Variants in EPHA6 observed in about 807,000 individuals in gnomAD.
The protein encoded by EPHA6 is ephrin type-A receptor 6.
Under a neutral mutation model 112.0 loss-of-function variants are expected in EPHA6, and 50 were observed. The ratio of observed to expected loss-of-function variants is 0.45; its 90% CI spans 0.36 to 0.56. EPHA6 has a LOEUF of 0.56. Ranked by LOEUF, EPHA6 falls within the 20% of genes least tolerant of loss-of-function variation. The pLI is 0.00. For synonymous variants in EPHA6, 529 were observed against 490.7 expected (o/e 1.08, Z -1.03); for missense variants, 1,280 against 1,417.4 (o/e 0.90, Z 1.56).
intron 15 of EPHA6, among the ~76,000 whole-genome samples, chr3:97,726,848 G>C (rs1018063751): frequency 6.6e-6 from 1 of 151,902 alleles, no homozygotes; most frequent in Non-Finnish European, 1.5e-5. Context: ...AGCAAAACAC[G>C]AACAGCAGGC....
At chr3:97,272,370 C>T (rs943053932) in intron 5 of EPHA6, among the ~76,000 whole-genome samples, 7 of 151,894 alleles carry the variant, frequency 4.6e-5, no homozygotes, top group Non-Finnish European at 1.0e-4. Context: ...TGCTGCACGA[C>T]AGGGATACAC....
chr3:97,508,185 T>A (rs1198856457), intron 10 of EPHA6, among the ~76,000 whole-genome samples: 2 of 152,162 alleles, frequency 1.3e-5, no homozygotes, highest in Non-Finnish European at 2.9e-5. Flanking sequence ...CTGATCTTAG[T>A]TATTTCTTGT....
At chr3:97,714,513 C>T (rs1200011236) in intron 14 of EPHA6, among the ~76,000 whole-genome samples, 2 of 152,168 alleles carry the variant, frequency 1.3e-5, no homozygotes, top group Non-Finnish European at 2.9e-5. Flanking sequence ...CTGAAAGAGG[C>T]TGGGCACATA....
At chr3:97,327,906 T>TATATATATGTATATGTGTGC (rs2082527724) in intron 5 of EPHA6, among the ~76,000 whole-genome samples, 1 of 125,916 alleles carries the variant, frequency 7.9e-6, no homozygotes, top group Non-Finnish European at 1.5e-5. Context: ...TATATGTGTG[T>TATATATATGTATATGTGTGC]ATATATATGT....
chr3:97,421,284 G>A (rs151152864), intron 6 of EPHA6, among the ~76,000 whole-genome samples: 130 of 152,050 alleles, frequency 8.5e-4, no homozygotes, highest in African/African-American at 2.9e-3. Context: ...AATTTTTCCC[G>A]AATGTACATT....
chr3:97,061,909 G>T (rs1395999526), intron 3 of EPHA6, among the ~76,000 whole-genome samples: 1 of 152,168 alleles, frequency 6.6e-6, no homozygotes, highest in African/African-American at 2.4e-5. Context: ...AGTTGGGGAG[G>T]TAGATTTGTA....
At chr3:97,144,365 A>G (rs1174008038) in intron 3 of EPHA6, among the ~76,000 whole-genome samples, 1 of 151,472 alleles carries the variant, frequency 6.6e-6, no homozygotes, top group African/African-American at 2.4e-5. Context: ...TATATGGATC[A>G]ATAGGGCTTA....
Position 97,720,248 on chromosome 3 carries a change from A to G in EPHA6, c.2785-13A>G. ...CGATAAGCCAGCTAAGAAATCTCCAATTTGTTTTCCAGGGTGGAAAAATCC... is the reference window on the plus strand; with the variant it reads ...CGATAAGCCAGCTAAGAAATCTCCAGTTTGTTTTCCAGGGTGGAAAAATCC... On this transcript the variant is annotated splice_polypyrimidine_tract_variant and intron_variant, in intron 14 of 17. Transcript: ENST00000389672. 1 of 1,561,606 alleles carries G rather than the reference A, an allele frequency of 6.4e-7. No homozygotes were observed. Among genetic ancestry groups the G allele is most frequent in the Non-Finnish European group, 8.6e-7 (1 of 1,158,064 alleles).
chr3:97,142,283 C>G (rs2075928275), intron 3 of EPHA6, among the ~76,000 whole-genome samples: 2 of 151,906 alleles, frequency 1.3e-5, no homozygotes, highest in South Asian at 2.1e-4. Context: ...ATTTTATTTT[C>G]ACATTAAAAA....
intron 2 of EPHA6, among the ~76,000 whole-genome samples, chr3:96,968,112 ATTAT>A (rs201807312): frequency 0.016 from 2,437 of 151,632 alleles, 25 homozygotes; most frequent in Non-Finnish European, 0.025. Context: ...GGTGTATATA[ATTAT>A]TTATTTTCTA....
chr3:97,236,965 T>TC (rs1434450747), intron 4 of EPHA6, among the ~76,000 whole-genome samples: 1 of 151,810 alleles, frequency 6.6e-6, no homozygotes, highest in Non-Finnish European at 1.5e-5. Flanking sequence ...TATCTCTTCT[T>TC]CCCCCGCCAT....
Position 97,747,507 on chromosome 3 carries a change from A to G in EPHA6, c.3213A>G (p.Gln1071=). The part of the protein sequence containing the change: ...GDWLDSIKMG[Q]YKNNFVAAGF... ...GGCTAGATTCTATAAAGATGGGGCA[A>G]TACAAGAATAACTTCGTGGCAGCAG... The change falls in exon 17 of 18, where the codon CAA becomes CAG. Residue 1071 remains glutamine (Q), a synonymous_variant. Coordinates refer to ENST00000389672, the MANE Select transcript of EPHA6 (RefSeq NM_001080448.3). 6.2e-7 allele frequency: 1 copy of G among 1,611,026 alleles called. No homozygotes were observed. Among genetic ancestry groups the G allele is most frequent in the Non-Finnish European group, 8.5e-7 (1 of 1,178,370 alleles).
chr3:96,907,632 G>A (rs2039004280), intron 2 of EPHA6, among the ~76,000 whole-genome samples: 1 of 151,716 alleles, frequency 6.6e-6, no homozygotes, highest in African/African-American at 2.4e-5. Flanking sequence ...TTTTAGAAAA[G>A]ATATAGGTGT....
At chr3:97,331,354 C>A (rs1279493615) in intron 5 of EPHA6, among the ~76,000 whole-genome samples, 1 of 151,964 alleles carries the variant, frequency 6.6e-6, no homozygotes, top group Non-Finnish European at 1.5e-5. Context: ...GAAGCAAGAA[C>A]AAACACATTC....
intron 3 of EPHA6, among the ~76,000 whole-genome samples, chr3:97,144,743 A>T (rs2075997772): frequency 1.3e-5 from 2 of 151,432 alleles, no homozygotes; most frequent in Admixed American, 1.3e-4. Context: ...TAACTTTTCT[A>T]ATATATCTTA....
At chr3:97,389,532 CAA>C (rs1333505451) in intron 5 of EPHA6, among the ~76,000 whole-genome samples, 7 of 151,936 alleles carry the variant, frequency 4.6e-5, no homozygotes, top group African/African-American at 1.7e-4. Flanking sequence ...TGTAAGAAAA[CAA>C]ATATTTCTTG....
At chr3:97,700,527 G>A (rs1196236864) in intron 14 of EPHA6, among the ~76,000 whole-genome samples, 2 of 152,152 alleles carry the variant, frequency 1.3e-5, no homozygotes, top group African/African-American at 2.4e-5. Context: ...AGCAGATAAA[G>A]CTAATGTAAG....
chr3:96,888,401 A>T (rs1207607966), intron 2 of EPHA6, among the ~76,000 whole-genome samples: 1 of 151,974 alleles, frequency 6.6e-6, no homozygotes, highest in Non-Finnish European at 1.5e-5. Context: ...TCCCTTTTCC[A>T]CTTCCACAGT....
chr3:97,159,178 G>C (rs1172522936), intron 3 of EPHA6, among the ~76,000 whole-genome samples: 1 of 152,074 alleles, frequency 6.6e-6, no homozygotes, highest in East Asian at 1.9e-4. Flanking sequence ...ACACCCTAAA[G>C]AATCTCCTGT....
Sources: allele counts gnomAD v4.1 joint callset (sites outside exome capture counted in the v4.1 genomes callset), GRCh38; gene constraint gnomAD v4.1.1; transcripts MANE v1.5; gene names NCBI Gene and HGNC (gene_info 2026-07-23, HGNC 2026-07-21).